ZNF462: variants seen among roughly 807,000 people sequenced by gnomAD.
ZNF462 encodes zinc finger protein 462.
In ZNF462, 10 loss-of-function variants were observed where a neutral mutation model predicts 201.9. The ratio of observed to expected loss-of-function variants is 0.05; its 90% CI spans 0.03 to 0.08. The LOEUF is 0.08. Among genes scored for constraint, ZNF462 ranks in the 10% least tolerant of loss-of-function variants. The pLI, the probability that ZNF462 is intolerant of heterozygous loss-of-function variation, is 1.00. For synonymous variants in ZNF462, 1,227 were observed against 1,193.3 expected, an observed-to-expected ratio of 1.03 and a Z score of -0.58; for missense variants, 2,523 against 3,168.3, an observed-to-expected ratio of 0.80 and a Z score of 4.89.
intron 7 of ZNF462, among the ~76,000 whole-genome samples, chr9:106,948,339 C>G (rs1158883679): frequency 6.6e-6 from 1 of 152,172 alleles, no homozygotes; most frequent in Non-Finnish European, 1.5e-5. Flanking sequence ...ATTCCTTCCT[C>G]TCTGGAAGTG....
rs1017571102 is a variant in ZNF462 at position 106,883,716 on chromosome 9, C to T, written c.-31+20361C>T. Among the ~76,000 whole-genome samples, 7 of 152,132 alleles carry T rather than the reference C, an allele frequency of 4.6e-5. No homozygotes were observed. The highest frequency in any genetic ancestry group is 1.9e-4 in the East Asian group (1 of 5,194). ...AATCTTTTCCTCTGAAGTTTGGATGCGGTTCAAAGCTAAGATTGAGGCTCC... is the reference window on the plus strand; with the variant it reads ...AATCTTTTCCTCTGAAGTTTGGATGTGGTTCAAAGCTAAGATTGAGGCTCC... On this transcript the variant is annotated intron_variant, in intron 1 of 12. Coordinates refer to ENST00000277225, the MANE Select transcript of ZNF462 (RefSeq NM_021224.6). The surrounding 1 kb of genome is among the most constrained non-coding windows in gnomAD (Gnocchi z 4.9).
intron 1 of ZNF462, among the ~76,000 whole-genome samples, chr9:106,892,370 T>A (rs1172158814): frequency 6.6e-6 from 1 of 152,196 alleles, no homozygotes; most frequent in Non-Finnish European, 1.5e-5. Flanking sequence ...TTTTTACCAT[T>A]AAAAATATTT....
In ZNF462 at chr9:106,924,120, G is replaced by A. The variant is rs920528794; in HGVS notation, c.221-13G>A. ...TCTTTTGCTTTGTCACTTTCCTTATGCTTTTTCTTTAGGTCAAAATGCAAC... is the reference window on the plus strand; with the variant it reads ...TCTTTTGCTTTGTCACTTTCCTTATACTTTTTCTTTAGGTCAAAATGCAAC... On this transcript the variant is annotated splice_polypyrimidine_tract_variant and intron_variant, in intron 2 of 12. Transcript: ENST00000277225. The surrounding 1 kb of genome is among the most constrained non-coding windows in gnomAD (Gnocchi z 6.2). 6.3e-7 allele frequency: 1 copy of A among 1,578,358 alleles called. No individual in the cohort carries two copies. The highest frequency in any genetic ancestry group is 2.2e-5 in the East Asian group (1 of 44,662).
In ZNF462 at chr9:106,927,523, C is replaced by T. The variant is rs964846716; in HGVS notation, c.3611C>T (p.Thr1204Met). 9 of 1,613,606 alleles carry T rather than the reference C, an allele frequency of 5.6e-6. No homozygotes were observed. Among genetic ancestry groups the T allele is most frequent in the African/African-American group, 4.0e-5 (3 of 74,706 alleles). The stretch of plus-strand genomic sequence containing the variant: ...CAGCACTGTGATTATGGGAACCGGA[C>T]GGTCAAAGGGGTACTCATTCATTAT... The part of the protein sequence containing the change: ...FCQHCDYGNR[T>M]VKGVLIHYQK... The change falls in exon 3 of 13, where the codon ACG becomes ATG. Residue 1204 changes from threonine (T) to methionine (M), a missense_variant. Thr to Met is a moderately conservative substitution (Grantham distance 81). Around this residue, in one of 15 missense-constraint regions of ZNF462, gnomAD observed 222 missense variants for 271.6 expected, o/e 0.82. Transcript: ENST00000277225.
chr9:106,928,578 G>C lies in ZNF462; in HGVS notation c.4666G>C (p.Ala1556Pro). The change falls in exon 3 of 13, where the codon GCT (alanine) becomes CCT (proline). Residue 1556 changes from alanine (A) to proline (P), a missense_variant. Physicochemically the swap from Ala to Pro is conservative, Grantham distance 27. Coordinates refer to ENST00000277225, the MANE Select transcript of ZNF462 (RefSeq NM_021224.6). The surrounding 1 kb of genome is among the most constrained non-coding windows in gnomAD (Gnocchi z 9.3). ...EDFVHDVEQSADISQNDVEET... is the reference protein window; with the variant it reads ...EDFVHDVEQSPDISQNDVEET... ...CTTTGTGCACGACGTAGAGCAGTCT[G>C]CTGACATATCCCAGAATGACGTGGA... 6.2e-7 allele frequency: 1 copy of C among 1,614,146 alleles called. No homozygotes were observed. Among genetic ancestry groups the C allele is most frequent in the Non-Finnish European group, 8.5e-7 (1 of 1,180,030 alleles).
intron 10 of ZNF462, among the ~76,000 whole-genome samples, chr9:106,995,266 G>A (rs1828617737): frequency 1.3e-5 from 2 of 152,082 alleles, no homozygotes; most frequent in Non-Finnish European, 2.9e-5. Flanking sequence ...TTGTGACACA[G>A]TGATTGCAAA....
At chr9:106,990,343 G>A (rs779338774) in intron 10 of ZNF462, among the ~76,000 whole-genome samples, 28 of 151,978 alleles carry the variant, frequency 1.8e-4, no homozygotes, top group Non-Finnish European at 4.0e-4. Context: ...GCTCGTCATA[G>A]TCTACCTTGG....
chr9:106,943,957 A>G (rs1830996376), intron 7 of ZNF462, among the ~76,000 whole-genome samples: 1 of 152,184 alleles, frequency 6.6e-6, no homozygotes, highest in Non-Finnish European at 1.5e-5. Context: ...TTACTCTGCC[A>G]AGATAAAAAA....
At chr9:106,943,072 G>GTGTGTGTC (rs1830954028) in intron 7 of ZNF462, among the ~76,000 whole-genome samples, 1 of 150,826 alleles carries the variant, frequency 6.6e-6, no homozygotes, top group Admixed American at 6.9e-5. Flanking sequence ...GTGTGTGTGT[G>GTGTGTGTC]TGTGTGTGTG....
In ZNF462 at chr9:106,886,800, C is replaced by T. The variant is rs549041015; in HGVS notation, c.-31+23445C>T. Reference sequence around the variant, plus strand: ...GTGTTGGCAGATAGCTTCTATTTCTCGTGCCAATTTTGATTGATTGGTGGA... The same window carrying T: ...GTGTTGGCAGATAGCTTCTATTTCTTGTGCCAATTTTGATTGATTGGTGGA... On this transcript the variant is annotated intron_variant, in intron 1 of 12. Transcript: ENST00000277225. The surrounding 1 kb of genome is among the most constrained non-coding windows in gnomAD (Gnocchi z 4.6). 5.9e-5 allele frequency among the ~76,000 whole-genome samples: 9 copies of T among 152,236 alleles called. No individual in the cohort carries two copies. The highest frequency in any genetic ancestry group is 2.1e-4 in the South Asian group (1 of 4,822).
intron 11 of ZNF462, among the ~76,000 whole-genome samples, chr9:107,004,128 A>G (rs1035041427): frequency 5.3e-5 from 8 of 152,238 alleles, no homozygotes; most frequent in African/African-American, 1.2e-4. Context: ...TTGGTTTTCT[A>G]TATTGTTCAA....
rs1399890890 is a variant in ZNF462 at position 106,932,829 on chromosome 9, A to G, written c.6116+280A>G. 6 of 541,926 alleles carry G rather than the reference A, an allele frequency of 1.1e-5. No homozygotes were observed. The highest frequency in any genetic ancestry group is 7.7e-5 in the African/African-American group (4 of 52,136). 33.6% of individuals were successfully genotyped at this position (541,926 alleles called of 1,614,324 possible). On this transcript the variant is annotated intron_variant, in intron 5 of 12. Transcript: ENST00000277225. This position sits in a 1 kb window ranked among gnomAD's most constrained non-coding sequence, Gnocchi z 6.8. ...AGGTAAAATGGCATCTGTGGAGAGTAGATGAGTCTCCTGATTCATCGTTCA... is the reference window on the plus strand; with the variant it reads ...AGGTAAAATGGCATCTGTGGAGAGTGGATGAGTCTCCTGATTCATCGTTCA...
At position 106,968,344 on chromosome 9, in the gene ZNF462, T is replaced by C. The variant is rs1316981843; in HGVS notation, c.6428-3661T>C. 6.6e-6 allele frequency among the ~76,000 whole-genome samples: 1 copy of C among 152,232 alleles called. No individual in the cohort carries two copies. Among genetic ancestry groups the C allele is most frequent in the Non-Finnish European group, 1.5e-5 (1 of 68,036 alleles). ...AATCCTATAGGCACTGTGACCATCATTGCTAAAATTCTAATTTGATCCTGA... is the reference window on the plus strand; with the variant it reads ...AATCCTATAGGCACTGTGACCATCACTGCTAAAATTCTAATTTGATCCTGA... On this transcript the variant is annotated intron_variant, in intron 7 of 12. Transcript: ENST00000277225. This position sits in a 1 kb window ranked among gnomAD's most constrained non-coding sequence, Gnocchi z 4.0.
rs1401517311 is a variant in ZNF462 at position 106,885,692 on chromosome 9, C to T, written c.-31+22337C>T. On this transcript the variant is annotated intron_variant, in intron 1 of 12. Transcript: ENST00000277225. The surrounding 1 kb of genome is among the most constrained non-coding windows in gnomAD (Gnocchi z 4.1). The stretch of plus-strand genomic sequence containing the variant: ...TCCTGTCCAGTTCCAGCTGCCCCAG[C>T]AGAACTCAGCATTAGGTCACCCTTT... Among the ~76,000 whole-genome samples, 2 of 152,196 alleles carry T rather than the reference C, an allele frequency of 1.3e-5. No individual in the cohort carries two copies. The highest frequency in any genetic ancestry group is 2.9e-5 in the Non-Finnish European group (2 of 68,042).
At position 106,981,346 on chromosome 9, in the gene ZNF462, A is replaced by G. The variant is rs751243920; in HGVS notation, c.6833-2840A>G. ...AAGGCTTATAAGCACACACATACAG[A>G]CTGGAGAGTTCTTATCAGGGGTCCA... On this transcript the variant is annotated intron_variant, in intron 9 of 12. Coordinates refer to ENST00000277225, the MANE Select transcript of ZNF462 (RefSeq NM_021224.6). The surrounding 1 kb of genome is among the most constrained non-coding windows in gnomAD (Gnocchi z 4.0). Among the ~76,000 whole-genome samples the G allele has an allele frequency of 2.0e-5, 3 of 152,230 alleles. No individual in the cohort carries two copies. The highest frequency in any genetic ancestry group is 4.4e-5 in the Non-Finnish European group (3 of 68,048).
chr9:106,927,175 CAATGTCTCCCAA>C lies in ZNF462; in HGVS notation c.3270_3281del (p.Pro1091_Ser1094del). 1 of 1,613,870 alleles carries C rather than the reference CAATGTCTCCCAA, an allele frequency of 6.2e-7. No individual in the cohort carries two copies. The highest frequency in any genetic ancestry group is 8.5e-7 in the Non-Finnish European group (1 of 1,179,980). On this transcript the variant is annotated inframe_deletion, in exon 3 of 13. Coordinates refer to ENST00000277225, the MANE Select transcript of ZNF462 (RefSeq NM_021224.6). ...CAATTATCATTTGAGGTGGGTGCTC[CAATGTCTCCCAA>C]AATGTCCAACATGGGTTCCCCACCC... is the stretch of plus-strand genomic sequence containing the variant.
chr9:106,943,057 C>CATGTGTGT, intron 7 of ZNF462, among the ~76,000 whole-genome samples: 1 of 136,900 alleles, frequency 7.3e-6, no homozygotes, highest in African/African-American at 2.9e-5. Context: ...GTTTTGCGCG[C>CATGTGTGT]GCGTGTGTGT....
At chr9:106,956,911 T>C (rs1187683903) in intron 7 of ZNF462, among the ~76,000 whole-genome samples, 1 of 152,204 alleles carries the variant, frequency 6.6e-6, no homozygotes, top group Non-Finnish European at 1.5e-5. Context: ...TAAGAGAATG[T>C]CGTGGCTGAT....
Position 106,880,986 on chromosome 9 carries a change from C to G in ZNF462, c.-31+17631C>G, listed in dbSNP as rs541224349. The stretch of plus-strand genomic sequence containing the variant: ...GGAGCCAGCCTGTCTCAGCACTGAG[C>G]TTTTATTTTGTAACAATTTGGAGGG... On this transcript the variant is annotated intron_variant, in intron 1 of 12. Coordinates refer to ENST00000277225, the MANE Select transcript of ZNF462 (RefSeq NM_021224.6). The surrounding 1 kb of genome is among the most constrained non-coding windows in gnomAD (Gnocchi z 4.1). 2.6e-5 allele frequency among the ~76,000 whole-genome samples: 4 copies of G among 152,286 alleles called. No homozygotes were observed. Among genetic ancestry groups the G allele is most frequent in the Admixed American group, 6.5e-5 (1 of 15,298 alleles).
Sources: allele counts gnomAD v4.1 joint callset (sites outside exome capture counted in the v4.1 genomes callset), GRCh38; gene constraint gnomAD v4.1.1; regional missense constraint gnomAD v4.1.1; non-coding constraint Gnocchi (gnomAD v3.1); transcripts MANE v1.5; gene names NCBI Gene and HGNC (gene_info 2026-07-23, HGNC 2026-07-21).